STARD9: variants seen among roughly 807,000 people sequenced by gnomAD.
The protein encoded by STARD9 is StAR related lipid transfer domain containing 9.
In STARD9, 346 loss-of-function variants were observed where a neutral mutation model predicts 399.8. The ratio of observed to expected loss-of-function variants is 0.87; its 90% CI spans 0.79 to 0.95. The LOEUF (loss-of-function observed/expected upper bound fraction) is 0.95, where lower values mean the gene tolerates loss of function less well. Ranked by LOEUF, STARD9 falls within the 40% of genes least tolerant of loss-of-function variation. STARD9 has a pLI of 0.00. For synonymous variants in STARD9, 2,203 were observed against 2,143.5 expected, an observed-to-expected ratio of 1.03 and a Z score of -0.77; for missense variants, 5,832 against 5,667.5, an observed-to-expected ratio of 1.03 and a Z score of -0.93.
chr15:42,648,449 C>CACAGTG (rs2059689212), intron 7 of STARD9, among the ~76,000 whole-genome samples: 1 of 152,166 alleles, frequency 6.6e-6, no homozygotes, highest in Non-Finnish European at 1.5e-5. Flanking sequence ...AGGCATGAGC[C>CACAGTG]CCCATACCCA....
rs1188303279 is a variant in STARD9 at position 42,693,748 on chromosome 15, A to G, written c.12170A>G (p.Glu4057Gly). 2.2e-5 allele frequency: 34 copies of G among 1,536,620 alleles called. No individual in the cohort carries two copies. The highest frequency in any genetic ancestry group is 2.4e-5 in the Non-Finnish European group (28 of 1,146,874). ...REPSQWQSRT[E>G]NGGESSASPG... ...CCAAGTCAGTGGCAGAGCAGGACAGAAAATGGAGGTGAGAGTTCAGCATCT... is the reference window on the plus strand; with the variant it reads ...CCAAGTCAGTGGCAGAGCAGGACAGGAAATGGAGGTGAGAGTTCAGCATCT... Residue 4057 changes from glutamate to glycine, a missense_variant, in exon 23 of 33, where the codon GAA (glutamate) becomes GGA (glycine). Coordinates refer to ENST00000290607, the MANE Select transcript of STARD9 (RefSeq NM_020759.3).
Position 42,693,757 on chromosome 15 carries a change from G to T in STARD9, c.12179G>T (p.Gly4060Val). Residue 4060 changes from glycine to valine, a missense_variant, in exon 23 of 33, where the codon GGT becomes GTT. Physicochemically the swap from Gly to Val is moderately radical, Grantham distance 109. Coordinates refer to ENST00000290607, the MANE Select transcript of STARD9 (RefSeq NM_020759.3). ...SQWQSRTENG[G>V]ESSASPGEPQ... Reference sequence around the variant, plus strand: ...TGGCAGAGCAGGACAGAAAATGGAGGTGAGAGTTCAGCATCTCCAGGGGAA... The same window carrying T: ...TGGCAGAGCAGGACAGAAAATGGAGTTGAGAGTTCAGCATCTCCAGGGGAA... 2 of 1,536,604 alleles carry T rather than the reference G, an allele frequency of 1.3e-6. No individual in the cohort carries two copies. Among genetic ancestry groups the T allele is most frequent in the African/African-American group, 2.7e-5 (2 of 73,172 alleles).
chr15:42,691,351 C>G lies in STARD9; in HGVS notation c.9773C>G (p.Pro3258Arg), dbSNP rs758148769. 6 of 1,537,232 alleles carry G rather than the reference C, an allele frequency of 3.9e-6. No homozygotes were observed. The South Asian group carries it at 4.8e-5, about 12-fold the overall frequency. Residue 3258 changes from proline (P) to arginine (R), a missense_variant, in exon 23 of 33, where the codon CCT (proline) becomes CGT (arginine). By Grantham distance (103) the Pro-to-Arg change is moderately radical (BLOSUM62 -2). Coordinates refer to ENST00000290607, the MANE Select transcript of STARD9 (RefSeq NM_020759.3). The part of the protein sequence containing the change: ...GREEVAVAKP[P>R]VSKILSQGFK... ...GAGGAGGTGGCTGTGGCCAAGCCTC[C>G]TGTGTCCAAGATTTTATCACAGGGC... is the stretch of plus-strand genomic sequence containing the variant.
Position 42,719,653 on chromosome 15 carries a change from T to C in STARD9, c.*79T>C. On this transcript the variant is annotated 3_prime_UTR_variant, in exon 33 of 33. Coordinates refer to ENST00000290607, the MANE Select transcript of STARD9 (RefSeq NM_020759.3). ...AGACACTGTGGCAGCTCCTTGTTAC[T>C]TTCCATACCACAGTGCAGGAAAAGC... 1.1e-6 allele frequency: 1 copy of C among 934,594 alleles called. No individual in the cohort carries two copies. The highest frequency in any genetic ancestry group is 1.6e-6 in the Non-Finnish European group (1 of 611,382). 57.9% of individuals were successfully genotyped at this position (934,594 alleles called of 1,614,324 possible). A position where few individuals can be genotyped will look rare whatever the true frequency, so the allele number is the denominator to read the frequency against.
intron 3 of STARD9, among the ~76,000 whole-genome samples, chr15:42,609,726 C>T (rs925195333): frequency 1.3e-4 from 20 of 152,076 alleles, no homozygotes; most frequent in Non-Finnish European, 1.5e-5. Flanking sequence ...GTGTGAGCCA[C>T]CGTGCCCAGC....
chr15:42,636,019 G>A (rs2059412174), intron 4 of STARD9, among the ~76,000 whole-genome samples: 1 of 152,196 alleles, frequency 6.6e-6, no homozygotes, highest in Non-Finnish European at 1.5e-5. Context: ...CAGGGTGCCA[G>A]GTGTAGTAGC....
chr15:42,607,481 G>T (rs575720904), intron 3 of STARD9, among the ~76,000 whole-genome samples: 4 of 151,872 alleles, frequency 2.6e-5, no homozygotes, highest in Non-Finnish European at 5.9e-5. Context: ...GGGATGACAG[G>T]TGTGAGCCAC....
In STARD9 at chr15:42,688,358, C is replaced by G. The variant is rs192384708; in HGVS notation, c.6780C>G (p.His2260Gln). 1 of 1,536,632 alleles carries G rather than the reference C, an allele frequency of 6.5e-7. No homozygotes were observed. Among genetic ancestry groups the G allele is most frequent in the African/African-American group, 1.4e-5 (1 of 73,028 alleles). The change falls in exon 23 of 33, where the codon CAC (histidine) becomes CAG (glutamine). Residue 2260 changes from histidine (H) to glutamine (Q), a missense_variant. By Grantham distance (24) the His-to-Gln change is conservative (BLOSUM62 0). Coordinates refer to ENST00000290607, the MANE Select transcript of STARD9 (RefSeq NM_020759.3). ...KGFQESQVAE[H>Q]VSSSNQEEPK... ...TTCAGGAAAGCCAAGTAGCTGAACACGTAAGTAGTTCCAACCAAGAAGAGC... is the reference window on the plus strand; with the variant it reads ...TTCAGGAAAGCCAAGTAGCTGAACAGGTAAGTAGTTCCAACCAAGAAGAGC...
chr15:42,716,493 G>A (rs1450596372), intron 26 of STARD9, among the ~76,000 whole-genome samples, 184 bp from the exon 27 acceptor site: 2 of 152,186 alleles, frequency 1.3e-5, no homozygotes, highest in African/African-American at 4.8e-5. Flanking sequence ...AGCAGAGATC[G>A]TCTAGATACC....
chr15:42,581,697 C>G (rs367708233), intron 1 of STARD9, among the ~76,000 whole-genome samples: 1 of 152,240 alleles, frequency 6.6e-6, no homozygotes, highest in African/African-American at 2.4e-5. Flanking sequence ...CGGCGACGAC[C>G]ACGATGACAG....
In STARD9 at chr15:42,685,680, T is replaced by C. The variant is rs887639578; in HGVS notation, c.4102T>C (p.Ser1368Pro). ...AAGTCCTGATATGCAGGAATTTCAC[T>C]CCTGTAAGGGGGAGAGGCCTGGATA... ...CPSPDMQEFH[S>P]CKGERPGYWP... Residue 1368 changes from serine to proline, a missense_variant, in exon 23 of 33, where the codon TCC becomes CCC. Physicochemically the swap from Ser to Pro is moderately conservative, Grantham distance 74. This residue lies in a region of STARD9 where 5,828 missense variants were observed against 5,651.1 expected (regional missense o/e 1.03). Transcript: ENST00000290607. 1 of 1,537,128 alleles carries C rather than the reference T, an allele frequency of 6.5e-7. No individual in the cohort carries two copies. The highest frequency in any genetic ancestry group is 1.4e-5 in the African/African-American group (1 of 73,028).
At chr15:42,681,715 A>G (rs1237262009) in intron 21 of STARD9, 103 bp downstream of exon 21, 6 of 1,090,094 alleles carry the variant, frequency 5.5e-6, no homozygotes, top group East Asian at 2.6e-5. Flanking sequence ...TTGTGATATG[A>G]TGGAATCTTT....
At chr15:42,680,735 A>G (rs556508699) in intron 20 of STARD9, among the ~76,000 whole-genome samples, 3 of 152,284 alleles carry the variant, frequency 2.0e-5, no homozygotes, top group African/African-American at 7.2e-5. Flanking sequence ...CTCTCACTGG[A>G]TCTAGACAAA....
At chr15:42,701,070 A>G (rs2060953593) in intron 26 of STARD9, among the ~76,000 whole-genome samples, 1 of 152,116 alleles carries the variant, frequency 6.6e-6, no homozygotes, top group Non-Finnish European at 1.5e-5. Flanking sequence ...TTGGCTATGA[A>G]TGTGTGGATT....
At chr15:42,598,459 A>G (rs946788689) in intron 3 of STARD9, among the ~76,000 whole-genome samples, 3 of 150,250 alleles carry the variant, frequency 2.0e-5, no homozygotes, top group Admixed American at 6.6e-5. Context: ...TTTTCCTGGC[A>G]TGGTAATGAA....
chr15:42,636,592 TAA>T (rs1354602033), intron 4 of STARD9, among the ~76,000 whole-genome samples: 1 of 151,006 alleles, frequency 6.6e-6, no homozygotes, highest in Admixed American at 6.6e-5. Flanking sequence ...AAAAAATAAA[TAA>T]AAAGAGACCC....
intron 7 of STARD9, among the ~76,000 whole-genome samples, chr15:42,648,450 C>G (rs939341705): frequency 6.6e-6 from 1 of 152,004 alleles, no homozygotes; most frequent in Non-Finnish European, 1.5e-5. Flanking sequence ...GGCATGAGCC[C>G]CCATACCCAG....
In STARD9 at chr15:42,689,614, C is replaced by T; in HGVS notation, c.8036C>T (p.Thr2679Ile). The T allele has an allele frequency of 1.3e-6, 2 of 1,537,480 alleles. No individual in the cohort carries two copies. Among genetic ancestry groups the T allele is most frequent in the Non-Finnish European group, 1.7e-6 (2 of 1,146,970 alleles). Residue 2679 changes from threonine to isoleucine, a missense_variant, in exon 23 of 33, where the codon ACT becomes ATT. Physicochemically the swap from Thr to Ile is moderately conservative, Grantham distance 89. Coordinates refer to ENST00000290607, the MANE Select transcript of STARD9 (RefSeq NM_020759.3). ...AAPAQDRKRR[T>I]GELRQFAGAS... ...CCTGCTCAAGACAGGAAACGTCGTA[C>T]TGGAGAACTGAGGCAGTTCGCGGGA...
rs1480812737 is a variant in STARD9 at position 42,720,685 on chromosome 15, CTT to C, written c.*1113_*1114del. On this transcript the variant is annotated 3_prime_UTR_variant, in exon 33 of 33. Coordinates refer to ENST00000290607, the MANE Select transcript of STARD9 (RefSeq NM_020759.3). ...CATCTTTAGTTCTGGTGCCCAAAATCTTTGGTAGATGGAGGGAACTGGGGATT... is the reference window on the plus strand; with the variant it reads ...CATCTTTAGTTCTGGTGCCCAAAATCTGGTAGATGGAGGGAACTGGGGATT... 6.6e-6 allele frequency: 1 copy of C among 152,128 alleles called. No individual in the cohort carries two copies. The highest frequency in any genetic ancestry group is 1.5e-5 in the Non-Finnish European group (1 of 68,022). The allele number at this position is 152,128 out of a possible 1,614,324, so 9.4% of individuals were successfully genotyped here.
Sources: gnomAD v4.1 joint callset for allele counts (sites outside exome capture counted in the v4.1 genomes callset) on GRCh38, gnomAD v4.1.1 for gene constraint, gnomAD v4.1.1 regional missense constraint, MANE v1.5 for transcripts, NCBI Gene and HGNC (gene_info 2026-07-23, HGNC 2026-07-21) for gene names.